Variants in MEMO1 observed in about 807,000 individuals in gnomAD.
The protein encoded by MEMO1 is mediator of cell motility 1.
In MEMO1, 6 loss-of-function variants were observed where a neutral mutation model predicts 45.2. The ratio of observed to expected loss-of-function variants is 0.13; its 90% CI spans 0.07 to 0.26. The LOEUF is 0.26. MEMO1 is among the 10% of genes least tolerant of loss of function. The pLI is 1.00. For synonymous variants in MEMO1, 78 were observed against 124.3 expected (o/e 0.63, Z 2.48); for missense variants, 184 against 370.5 (o/e 0.50, Z 4.13).
chr2:31,955,730 T>C (rs1486608872), intron 2 of MEMO1, among the ~76,000 whole-genome samples: 1 of 152,050 alleles, frequency 6.6e-6, no homozygotes, highest in African/African-American at 2.4e-5. Context: ...TGCCTCAGCC[T>C]CCCCAGTAGC....
At chr2:31,982,588 CAAA>C (rs60208602) in intron 2 of MEMO1, among the ~76,000 whole-genome samples, 3 of 70,078 alleles carry the variant, frequency 4.3e-5, no homozygotes, top group Non-Finnish European at 6.2e-5. Flanking sequence ...GACTCCGTCT[CAAA>C]AAAAAAAAAA....
At chr2:31,870,900 C>T (rs1673611319) in intron 8 of MEMO1, among the ~76,000 whole-genome samples, 1 of 152,006 alleles carries the variant, frequency 6.6e-6, no homozygotes, top group African/African-American at 2.4e-5. Flanking sequence ...CTCTTATGAA[C>T]AAGATTAATA....
intron 8 of MEMO1, among the ~76,000 whole-genome samples, chr2:31,880,317 A>G (rs160802): frequency 0.83 from 126,982 of 152,162 alleles, 53,250 homozygotes; most frequent in East Asian, 0.91. Context: ...CAGGAAGCCA[A>G]AAAGAAGGTA....
At chr2:31,899,506 C>A (rs182685988) in intron 6 of MEMO1, among the ~76,000 whole-genome samples, 197 of 152,288 alleles carry the variant, frequency 1.3e-3, no homozygotes, top group African/African-American at 4.2e-3. Flanking sequence ...AACTGGACCC[C>A]TTCCTTACAC....
chr2:31,962,641 G>GA (rs1191634050), intron 2 of MEMO1, among the ~76,000 whole-genome samples: 1 of 151,968 alleles, frequency 6.6e-6, no homozygotes, highest in Non-Finnish European at 1.5e-5. Context: ...CTTTCCAAAT[G>GA]AAAAAACACT....
In MEMO1 at chr2:31,962,279, T is replaced by C. The variant is rs183388145; in HGVS notation, c.62-18896A>G. On this transcript the variant is annotated intron_variant, in intron 2 of 9. Transcript: ENST00000404530. The stretch of plus-strand genomic sequence containing the variant: ...TGGCATGCACCTGTAATCCCAGCTA[T>C]TCAGAAGGCTGAGGTAGGAGAATCA... Among the ~76,000 whole-genome samples the C allele has an allele frequency of 4.2e-3, 632 of 152,046 alleles. 9 individuals are homozygous for C. Among genetic ancestry groups the C allele is most frequent in the African/African-American group, 0.015 (622 of 41,492 alleles).
At chr2:31,943,053 T>C (rs1465567071) in intron 3 of MEMO1, among the ~76,000 whole-genome samples, 2 of 152,088 alleles carry the variant, frequency 1.3e-5, no homozygotes, top group Admixed American at 6.5e-5. Flanking sequence ...TCATTTGAGG[T>C]CGGCAGTTTA....
chr2:31,875,438 C>G (rs1674416934), intron 8 of MEMO1, among the ~76,000 whole-genome samples: 1 of 152,072 alleles, frequency 6.6e-6, no homozygotes, highest in African/African-American at 2.4e-5. Context: ...CTATAGTAGG[C>G]AATCTCATCT....
chr2:31,965,075 T>C (rs1234493023), intron 2 of MEMO1, among the ~76,000 whole-genome samples: 1 of 150,106 alleles, frequency 6.7e-6, no homozygotes, highest in Non-Finnish European at 1.5e-5. Flanking sequence ...TAGTCGGGAG[T>C]GGTGGTGCAT....
At chr2:31,895,079 G>C (rs1305024486) in intron 6 of MEMO1, among the ~76,000 whole-genome samples, 1 of 152,210 alleles carries the variant, frequency 6.6e-6, no homozygotes, top group Non-Finnish European at 1.5e-5. Flanking sequence ...CACATAGTGG[G>C]AGAGACAGAT....
intron 3 of MEMO1, 115 bp from the exon 4 acceptor site, chr2:31,932,250 A>C: frequency 2.7e-6 from 2 of 746,814 alleles, no homozygotes; most frequent in South Asian, 2.0e-5. Context: ...AATTGAGAGC[A>C]TATGTTAAAT....
rs996052843 is a variant in MEMO1 at position 31,994,626 on chromosome 2, G to C, written c.61+15561C>G. Among the ~76,000 whole-genome samples the C allele has an allele frequency of 2.0e-5, 3 of 151,156 alleles. 1 individual carries two copies. The highest frequency in any genetic ancestry group is 2.0e-4 in the Admixed American group (3 of 15,162). On this transcript the variant is annotated intron_variant, in intron 2 of 9. Coordinates refer to ENST00000404530, the MANE Select transcript of MEMO1 (RefSeq NM_001301833.4). ...AACCTGGGTGACAGAGCCAGACTTTGTCTAAAAAAAAAATAATAATAATAA... is the reference window on the plus strand; with the variant it reads ...AACCTGGGTGACAGAGCCAGACTTTCTCTAAAAAAAAAATAATAATAATAA...
At chr2:31,877,946 T>A (rs1674794043) in intron 8 of MEMO1, among the ~76,000 whole-genome samples, 1 of 152,230 alleles carries the variant, frequency 6.6e-6, no homozygotes, top group African/African-American at 2.4e-5. Context: ...CTAATCACTA[T>A]TCTAGGCACT....
intron 6 of MEMO1, among the ~76,000 whole-genome samples, chr2:31,908,864 C>A (rs1680156515): frequency 6.6e-6 from 1 of 152,200 alleles, no homozygotes; most frequent in South Asian, 2.1e-4. Flanking sequence ...CCCCCTCCAG[C>A]CTTCTTGTCT....
chr2:31,966,670 T>C (rs1378632295), intron 2 of MEMO1, among the ~76,000 whole-genome samples: 1 of 139,964 alleles, frequency 7.1e-6, no homozygotes, highest in African/African-American at 2.6e-5. Context: ...GAAGCAGAGG[T>C]TGCAGTGAGC....
At chr2:31,995,855 A>C (rs998846345) in intron 2 of MEMO1, among the ~76,000 whole-genome samples, 1 of 152,192 alleles carries the variant, frequency 6.6e-6, no homozygotes, top group Non-Finnish European at 1.5e-5. Context: ...AATGGTAATA[A>C]GTAAGAAATT....
At position 31,953,245 on chromosome 2, in the gene MEMO1, T is replaced by G. The variant is rs13026357; in HGVS notation, c.62-9862A>C. Among the ~76,000 whole-genome samples, 6 of 150,290 alleles carry G rather than the reference T, an allele frequency of 4.0e-5. No individual in the cohort carries two copies. In the South Asian group the frequency reaches 1.0e-3, roughly 26 times the overall value. On this transcript the variant is annotated intron_variant, in intron 2 of 9. Coordinates refer to ENST00000404530, the MANE Select transcript of MEMO1 (RefSeq NM_001301833.4). ...ACTGGGCATGGTGGTCGCACACCTG[T>G]AATCCCAGCTACTCAGGAGGCTGAG...
At chr2:31,959,490 CAAT>C (rs928303616) in intron 2 of MEMO1, among the ~76,000 whole-genome samples, 1 of 145,434 alleles carries the variant, frequency 6.9e-6, no homozygotes, top group African/African-American at 2.6e-5. Flanking sequence ...TGAATAAGCA[CAAT>C]GAGAACTGAA....
At chr2:31,983,781 C>A (rs1465522483) in intron 2 of MEMO1, among the ~76,000 whole-genome samples, 2 of 152,190 alleles carry the variant, frequency 1.3e-5, no homozygotes, top group African/African-American at 4.8e-5. Context: ...GAAAGCAAGG[C>A]TCCTTGGAGA....
Sources: gnomAD v4.1 joint callset for allele counts (sites outside exome capture counted in the v4.1 genomes callset) on GRCh38, gnomAD v4.1.1 for gene constraint, MANE v1.5 for transcripts, NCBI Gene and HGNC (gene_info 2026-07-23, HGNC 2026-07-21) for gene names.